NFATC1: variants seen among roughly 807,000 people sequenced by gnomAD.
The protein encoded by NFATC1 is nuclear factor of activated T cells 1.
A neutral mutation model predicts 76.0 loss-of-function variants in NFATC1; 22 were observed. The ratio of observed to expected loss-of-function variants is 0.29; its 90% confidence interval spans 0.21 to 0.41. The LOEUF (loss-of-function observed/expected upper bound fraction) is 0.41, where lower values mean the gene tolerates loss of function less well. NFATC1 is among the 10% of genes least tolerant of loss of function. NFATC1 has a pLI of 1.00. For missense variants in NFATC1, 1,357 were observed against 1,337.7 expected, an observed-to-expected ratio of 1.01 and a Z score of -0.23; for synonymous variants, 704 against 613.1, an observed-to-expected ratio of 1.15 and a Z score of -2.19.
At chr18:79,482,287 GT>G (rs1165192150) in intron 8 of NFATC1, among the ~76,000 whole-genome samples, 7 of 132,464 alleles carry the variant, frequency 5.3e-5, no homozygotes, top group East Asian at 2.3e-4. Flanking sequence ...GTGTGACCTG[GT>G]TCCTGGGGTG....
At chr18:79,425,156 C>CCT (rs1409845060) in intron 2 of NFATC1, among the ~76,000 whole-genome samples, 1 of 82,566 alleles carries the variant, frequency 1.2e-5, no homozygotes, top group Non-Finnish European at 2.4e-5. Flanking sequence ...TGTCTCTCTC[C>CCT]GTCTCTGTCT....
At chr18:79,511,726 C>T (rs562765868) in intron 9 of NFATC1, among the ~76,000 whole-genome samples, 2 of 152,160 alleles carry the variant, frequency 1.3e-5, no homozygotes, top group African/African-American at 4.8e-5. Flanking sequence ...GGGGAGCTGC[C>T]TGCGTGGTTT....
At chr18:79,506,423 C>G (rs1359645581) in intron 9 of NFATC1, among the ~76,000 whole-genome samples, 1 of 152,234 alleles carries the variant, frequency 6.6e-6, no homozygotes, top group African/African-American at 2.4e-5. Context: ...TGGCCCGGCA[C>G]CTGCTCTGAT....
intron 3 of NFATC1, among the ~76,000 whole-genome samples, chr18:79,446,964 C>T (rs1264078131): frequency 6.6e-6 from 1 of 152,250 alleles, no homozygotes. Context: ...CCCGGCTCAG[C>T]CTCACGCGGC....
At chr18:79,481,307 T>C (rs2089263045) in intron 8 of NFATC1, among the ~76,000 whole-genome samples, 1 of 152,198 alleles carries the variant, frequency 6.6e-6, no homozygotes, top group Admixed American at 6.5e-5. Context: ...TGGATGAAAA[T>C]GACTCCAGCT....
In NFATC1 at chr18:79,524,659, C is replaced by T. The variant is rs1446332669; in HGVS notation, c.2783-2869C>T. ...AGCTCTCTTGAGGTCGGCCCTCCTC[C>T]CCTCCCGAGAGCTCAGCAGCCGCAG... On this transcript the variant is annotated intron_variant, in intron 9 of 9. Transcript: ENST00000427363. This position sits in a 1 kb window ranked among gnomAD's most constrained non-coding sequence, Gnocchi z 7.2. Among the ~76,000 whole-genome samples, 2 of 152,144 alleles carry T rather than the reference C, an allele frequency of 1.3e-5. No homozygotes were observed. The highest frequency in any genetic ancestry group is 4.8e-5 in the African/African-American group (2 of 41,416).
At position 79,448,874 on chromosome 18, in the gene NFATC1, G is replaced by C. The variant is rs768909329; in HGVS notation, c.1479G>C (p.Gln493His). 2.5e-6 allele frequency: 4 copies of C among 1,613,810 alleles called. No homozygotes were observed. The highest frequency in any genetic ancestry group is 2.2e-5 in the South Asian group (2 of 91,088). Residue 493 changes from glutamine to histidine, a missense_variant, in exon 4 of 10, where the codon CAG (glutamine) becomes CAC (histidine). Coordinates refer to ENST00000427363, the MANE Select transcript of NFATC1 (RefSeq NM_001278669.2). ...DRLLRPHAFY[Q>H]VHRITGKTVS... ...TGCTGCGCCCGCACGCCTTCTACCA[G>C]GTGCACCGCATCACAGGGAAGACCG...
In NFATC1 at chr18:79,426,083, G is replaced by A. The variant is rs533131839; in HGVS notation, c.1227-7496G>A. Among the ~76,000 whole-genome samples, 4 of 152,226 alleles carry A rather than the reference G, an allele frequency of 2.6e-5. No homozygotes were observed. In the East Asian group the frequency reaches 7.7e-4, roughly 29 times the overall value. ...AACAATTAGCCAGGTGTGGTGGTGC[G>A]CCTGTGGTCCCAGCTGCTCGGGAGG... On this transcript the variant is annotated intron_variant, in intron 2 of 9. Coordinates refer to ENST00000427363, the MANE Select transcript of NFATC1 (RefSeq NM_001278669.2).
intron 9 of NFATC1, among the ~76,000 whole-genome samples, chr18:79,514,555 A>G (rs935634415): frequency 9.9e-6 from 1 of 100,786 alleles, no homozygotes; most frequent in Non-Finnish European, 1.9e-5. Context: ...ACAGAATGAG[A>G]CCCTGCCTCA....
chr18:79,402,136 G>A lies in NFATC1; in HGVS notation c.127+5785G>A, dbSNP rs541559632. Reference sequence around the variant, plus strand: ...CCTCCGTGCACACGTGACTGTGCGCGACAGCAGCCTCGGGAAGGACACCGC... The same window carrying A: ...CCTCCGTGCACACGTGACTGTGCGCAACAGCAGCCTCGGGAAGGACACCGC... On this transcript the variant is annotated intron_variant, in intron 1 of 9. Transcript: ENST00000427363. Among the ~76,000 whole-genome samples, 8 of 152,356 alleles carry A rather than the reference G, an allele frequency of 5.3e-5. No individual in the cohort carries two copies. The South Asian group carries it at 1.4e-3, about 28-fold the overall frequency.
chr18:79,451,186 G>C, intron 5 of NFATC1, 60 bp downstream of exon 5: 2 of 1,539,626 alleles, frequency 1.3e-6, no homozygotes, highest in South Asian at 1.2e-5. Flanking sequence ...GCGCTTCACT[G>C]TCTCACCCGC....
chr18:79,446,827 T>A (rs2087225352), intron 3 of NFATC1, among the ~76,000 whole-genome samples: 1 of 152,216 alleles, frequency 6.6e-6, no homozygotes, highest in African/African-American at 2.4e-5. Flanking sequence ...TCTGCGCACA[T>A]GGGGGCTGTG....
chr18:79,495,289 C>T (rs765041297), intron 9 of NFATC1, among the ~76,000 whole-genome samples: 6 of 152,174 alleles, frequency 3.9e-5, no homozygotes, highest in Non-Finnish European at 8.8e-5. Flanking sequence ...TCCTTGGGGC[C>T]TGTGAGGTTC....
At chr18:79,424,791 GACTC>G (rs1568943511) in intron 2 of NFATC1, among the ~76,000 whole-genome samples, 1,383 of 114,506 alleles carry the variant, frequency 0.012, 28 homozygotes, top group African/African-American at 0.041. Context: ...CTCTGTCTCT[GACTC>G]TCTGTGTCTG....
chr18:79,399,966 CTTT>C (rs2085130012), intron 1 of NFATC1, among the ~76,000 whole-genome samples: 1 of 140,936 alleles, frequency 7.1e-6, no homozygotes, highest in Non-Finnish European at 1.5e-5. Flanking sequence ...TTGAAAACTT[CTTT>C]AAAAAAAAAA....
At chr18:79,438,124 G>A (rs896315470) in intron 3 of NFATC1, among the ~76,000 whole-genome samples, 2 of 152,230 alleles carry the variant, frequency 1.3e-5, no homozygotes, top group Non-Finnish European at 2.9e-5. Context: ...CGTCCGAGGA[G>A]GAGCTGAGCG....
intron 9 of NFATC1, among the ~76,000 whole-genome samples, chr18:79,501,615 T>TCCCCCCCCCCCCCCCG (rs2090018351): frequency 4.2e-5 from 1 of 23,620 alleles, no homozygotes; most frequent in African/African-American, 1.6e-4. Context: ...CCACCCCCCC[T>TCCCCCCCCCCCCCCCG]CCCCCCGCCA....
rs913567460 is a variant in NFATC1, at chr18:79,527,655, C to G, written c.*78C>G. ...AAGACTTTTGAATAAATAAACTGAA[C>G]TCACACCTGGTACCACTCAGAACCT... On this transcript the variant is annotated 3_prime_UTR_variant, in exon 10 of 10. Coordinates refer to ENST00000427363, the MANE Select transcript of NFATC1 (RefSeq NM_001278669.2). 2.3e-6 allele frequency: 3 copies of G among 1,292,860 alleles called. No individual in the cohort carries two copies. In the African/African-American group the frequency reaches 4.5e-5, roughly 19 times the overall value. The allele number at this position is 1,292,860 out of a possible 1,614,324, so 80.1% of individuals were successfully genotyped here. A position where few individuals can be genotyped will look rare whatever the true frequency, so the allele number is the denominator to read the frequency against.
chr18:79,468,112 G>A (rs2088612742), intron 8 of NFATC1: 2 of 470,454 alleles, frequency 4.3e-6, no homozygotes, highest in African/African-American at 2.1e-5. Context: ...CATCCAGGCT[G>A]GGGCACCTTC....
Sources: allele counts gnomAD v4.1 joint callset (sites outside exome capture counted in the v4.1 genomes callset), GRCh38; gene constraint gnomAD v4.1.1; non-coding constraint Gnocchi (gnomAD v3.1); transcripts MANE v1.5; gene names NCBI Gene and HGNC (gene_info 2026-07-23, HGNC 2026-07-21).